Variants in KIRREL3 observed in about 807,000 individuals in gnomAD.
The protein encoded by KIRREL3 is kin of IRRE-like protein 3.
A neutral mutation model predicts 89.7 loss-of-function variants in KIRREL3; 36 were observed. The ratio of observed to expected loss-of-function variants is 0.40; its 90% CI spans 0.31 to 0.53. The LOEUF (loss-of-function observed/expected upper bound fraction) is 0.53. Among genes scored for constraint, KIRREL3 ranks in the 20% least tolerant of loss-of-function variants. The probability of loss-of-function intolerance (pLI) is 0.49; values close to 1 mark genes in which losing one functional copy is unlikely to be tolerated. For synonymous variants in KIRREL3, 445 were observed against 441.4 expected, an observed-to-expected ratio of 1.01 and a Z score of -0.10; for missense variants, 864 against 1,056.6, an observed-to-expected ratio of 0.82 and a Z score of 2.53.
intron 13 of KIRREL3, among the ~76,000 whole-genome samples, chr11:126,433,125 C>A (rs990875789): frequency 6.6e-6 from 1 of 152,272 alleles, no homozygotes; most frequent in East Asian, 1.9e-4. Context: ...GTGATCCGCC[C>A]GCCTCAGCCT....
rs1000292198 is a variant in KIRREL3 at position 126,897,753 on chromosome 11, G to A, written c.55+102702C>T. 4.6e-5 allele frequency among the ~76,000 whole-genome samples: 7 copies of A among 152,164 alleles called. No homozygotes were observed. The highest frequency in any genetic ancestry group is 1.7e-4 in the African/African-American group (7 of 41,436). On this transcript the variant is annotated intron_variant, in intron 1 of 16. Coordinates refer to ENST00000525144, the MANE Select transcript of KIRREL3 (RefSeq NM_032531.4). This position sits in a 1 kb window ranked among gnomAD's most constrained non-coding sequence, Gnocchi z 4.2. ...AGCAGTACAACATGCAGCAGCAAAAGCCCATTTTATTCTCATGAAAAAGAA... is the reference window on the plus strand; with the variant it reads ...AGCAGTACAACATGCAGCAGCAAAAACCCATTTTATTCTCATGAAAAAGAA...
intron 5 of KIRREL3, among the ~76,000 whole-genome samples, chr11:126,470,376 G>GA (rs541345235): frequency 1.5e-3 from 231 of 152,314 alleles, no homozygotes; most frequent in African/African-American, 5.2e-3. Flanking sequence ...TAAGGGAGAG[G>GA]CTTGTCTTCC....
chr11:126,570,073 C>T lies in KIRREL3; in HGVS notation c.56-7161G>A, dbSNP rs1474828826. 6.6e-6 allele frequency among the ~76,000 whole-genome samples: 1 copy of T among 152,130 alleles called. No individual in the cohort carries two copies. Among genetic ancestry groups the T allele is most frequent in the Non-Finnish European group, 1.5e-5 (1 of 68,034 alleles). On this transcript the variant is annotated intron_variant, in intron 1 of 16. Coordinates refer to ENST00000525144, the MANE Select transcript of KIRREL3 (RefSeq NM_032531.4). This position sits in a 1 kb window ranked among gnomAD's most constrained non-coding sequence, Gnocchi z 6.1. ...TAAAGAGGACTGAAGAGTGGAGTAG[C>T]AAAGGTATATTAATCCTGACTAGTG...
intron 6 of KIRREL3, among the ~76,000 whole-genome samples, chr11:126,457,001 C>T (rs76137490): frequency 0.1 from 15,206 of 151,934 alleles, 867 homozygotes; most frequent in East Asian, 0.23. Flanking sequence ...CCTCATTTGA[C>T]GTGATAAGAA....
intron 10 of KIRREL3, 115 bp downstream of exon 10, chr11:126,444,864 G>A (rs960657103): frequency 5.8e-6 from 8 of 1,381,272 alleles, no homozygotes; most frequent in Middle Eastern, 2.5e-4. Context: ...CATAGTTGGA[G>A]GTGACAGCAA....
At chr11:126,470,343 C>T (rs1956850637) in intron 5 of KIRREL3, among the ~76,000 whole-genome samples, 1 of 152,210 alleles carries the variant, frequency 6.6e-6, no homozygotes. Flanking sequence ...CATAACAGGA[C>T]AGGGTGGCTT....
chr11:126,440,433 TC>T lies in KIRREL3; in HGVS notation c.1353+15del. On this transcript the variant is annotated intron_variant, in intron 11 of 16. Transcript: ENST00000525144. The stretch of plus-strand genomic sequence containing the variant: ...CTGCTGGCCCGGCCCCCGCCCGCCG[TC>T]CCTGGAGCACTCACGATGCGGTCCG... The T allele has an allele frequency of 6.4e-7, 1 of 1,557,152 alleles. No individual in the cohort carries two copies. Among genetic ancestry groups the T allele is most frequent in the African/African-American group, 1.4e-5 (1 of 73,570 alleles).
rs1479955277 is a variant in KIRREL3, at chr11:126,640,352, G to A, written c.56-77440C>T. ...GAACACAACACACACACAGACGCGC[G>A]TGTGCGCGCGCACACACACGCACAC... is the stretch of plus-strand genomic sequence containing the variant. On this transcript the variant is annotated intron_variant, in intron 1 of 16. Coordinates refer to ENST00000525144, the MANE Select transcript of KIRREL3 (RefSeq NM_032531.4). The surrounding 1 kb of genome is among the most constrained non-coding windows in gnomAD (Gnocchi z 4.9). Among the ~76,000 whole-genome samples the A allele has an allele frequency of 9.9e-5, 15 of 152,040 alleles. No individual in the cohort carries two copies. The highest frequency in any genetic ancestry group is 3.1e-4 in the African/African-American group (13 of 41,408).
intron 1 of KIRREL3, among the ~76,000 whole-genome samples, chr11:126,792,012 T>A (rs755797825): frequency 3.9e-5 from 6 of 152,226 alleles, no homozygotes; most frequent in Non-Finnish European, 5.9e-5. Context: ...TCCTGGTGCC[T>A]CTGCCGACCT....
Position 126,571,967 on chromosome 11 carries a change from G to A in KIRREL3, c.56-9055C>T, listed in dbSNP as rs1940964157. Among the ~76,000 whole-genome samples, 1 of 152,168 alleles carries A rather than the reference G, an allele frequency of 6.6e-6. No individual in the cohort carries two copies. The highest frequency in any genetic ancestry group is 2.4e-5 in the African/African-American group (1 of 41,426). ...TCCACACACCCTGTGAGGAACAGGG[G>A]CTGCCAAAAGCCATATGCCTGAGGG... is the stretch of plus-strand genomic sequence containing the variant. On this transcript the variant is annotated intron_variant, in intron 1 of 16. Coordinates refer to ENST00000525144, the MANE Select transcript of KIRREL3 (RefSeq NM_032531.4). The surrounding 1 kb of genome is among the most constrained non-coding windows in gnomAD (Gnocchi z 7.7).
At chr11:126,585,751 G>A (rs549506069) in intron 1 of KIRREL3, among the ~76,000 whole-genome samples, 1 of 152,196 alleles carries the variant, frequency 6.6e-6, no homozygotes, top group African/African-American at 2.4e-5. Flanking sequence ...GTGTCTGTTC[G>A]TCTGTCCAGA....
In KIRREL3 at chr11:126,615,394, A is replaced by C. The variant is rs1243051767; in HGVS notation, c.56-52482T>G. Among the ~76,000 whole-genome samples, 1 of 152,188 alleles carries C rather than the reference A, an allele frequency of 6.6e-6. No individual in the cohort carries two copies. Among genetic ancestry groups the C allele is most frequent in the Non-Finnish European group, 1.5e-5 (1 of 68,036 alleles). ...TTGTTTAACTCTCCTAATGCTTTAG[A>C]AGTAAGTATATTTATTACCCCACTC... On this transcript the variant is annotated intron_variant, in intron 1 of 16. Transcript: ENST00000525144. The surrounding 1 kb of genome is among the most constrained non-coding windows in gnomAD (Gnocchi z 5.4).
chr11:126,685,949 T>A lies in KIRREL3; in HGVS notation c.56-123037A>T, dbSNP rs1474967241. On this transcript the variant is annotated intron_variant, in intron 1 of 16. Coordinates refer to ENST00000525144, the MANE Select transcript of KIRREL3 (RefSeq NM_032531.4). This position sits in a 1 kb window ranked among gnomAD's most constrained non-coding sequence, Gnocchi z 5.5. ...GAATCTGCTTCCCATGTGCACAGCT[T>A]ACTCCTTTGCTCCACCCGGCTCTGC... Among the ~76,000 whole-genome samples, 3 of 152,216 alleles carry A rather than the reference T, an allele frequency of 2.0e-5. No individual in the cohort carries two copies. The highest frequency in any genetic ancestry group is 4.4e-5 in the Non-Finnish European group (3 of 68,040).
At chr11:126,938,216 A>G (rs1948289510) in intron 1 of KIRREL3, among the ~76,000 whole-genome samples, 1 of 152,240 alleles carries the variant, frequency 6.6e-6, no homozygotes, top group South Asian at 2.1e-4. Context: ...TCTGCAACCC[A>G]TCAAACCAAC....
At chr11:126,865,260 G>C (rs199563955) in intron 1 of KIRREL3, among the ~76,000 whole-genome samples, 2 of 152,124 alleles carry the variant, frequency 1.3e-5, no homozygotes, top group African/African-American at 2.4e-5. Context: ...TTATTTCATC[G>C]GCTAAAAGCA....
At chr11:126,442,930 G>A (rs769326836) in intron 10 of KIRREL3, among the ~76,000 whole-genome samples, 7 of 152,246 alleles carry the variant, frequency 4.6e-5, no homozygotes, top group Admixed American at 3.9e-4. Context: ...GGAGGGGAGA[G>A]AAAGAGACCT....
At chr11:126,869,324 T>A (rs768318531) in intron 1 of KIRREL3, among the ~76,000 whole-genome samples, 2 of 152,066 alleles carry the variant, frequency 1.3e-5, no homozygotes, top group Non-Finnish European at 2.9e-5. Context: ...GGATGAGACC[T>A]GGCTGCCATA....
At chr11:126,671,105 A>T (rs886447072) in intron 1 of KIRREL3, among the ~76,000 whole-genome samples, 5 of 152,214 alleles carry the variant, frequency 3.3e-5, no homozygotes, top group African/African-American at 1.2e-4. Flanking sequence ...CTAGACACAG[A>T]TCTTACATCC....
At chr11:126,813,523 T>C (rs1951458781) in intron 1 of KIRREL3, among the ~76,000 whole-genome samples, 1 of 152,146 alleles carries the variant, frequency 6.6e-6, no homozygotes, top group African/African-American at 2.4e-5. Context: ...GACATCCACT[T>C]CATTGAGTGG....
Sources: allele counts gnomAD v4.1 joint callset (sites outside exome capture counted in the v4.1 genomes callset), GRCh38; gene constraint gnomAD v4.1.1; non-coding constraint Gnocchi (gnomAD v3.1); transcripts MANE v1.5; gene names NCBI Gene and HGNC (gene_info 2026-07-23, HGNC 2026-07-21).